KCNMA1: variants seen among roughly 807,000 people sequenced by gnomAD.
The protein encoded by KCNMA1 is Calcium-activated potassium channel subunit alpha-1.
In KCNMA1, 29 loss-of-function variants were observed where a neutral mutation model predicts 140.0. The observed-to-expected ratio is 0.21, with a 90% CI of 0.15 to 0.28. The LOEUF (loss-of-function observed/expected upper bound fraction) is 0.28. Ranked by LOEUF, KCNMA1 falls within the 10% of genes least tolerant of loss-of-function variation. The pLI, the probability that KCNMA1 is intolerant of heterozygous loss-of-function variation, is 1.00. For missense variants in KCNMA1, 880 were observed against 1,602.2 expected (o/e 0.55, Z 7.70); for synonymous variants, 612 against 611.9 (o/e 1.00, Z 0.00).
intron 5 of KCNMA1, among the ~76,000 whole-genome samples, chr10:77,142,962 A>G (rs569835234): frequency 6.6e-6 from 1 of 152,364 alleles, no homozygotes; most frequent in African/African-American, 2.4e-5. Flanking sequence ...TTTCAGGTTC[A>G]GGCAGTTTCC....
At chr10:77,201,666 T>C (rs970278905) in intron 3 of KCNMA1, among the ~76,000 whole-genome samples, 7 of 152,246 alleles carry the variant, frequency 4.6e-5, no homozygotes, top group Non-Finnish European at 8.8e-5. Context: ...TGTGACCTTA[T>C]AAAAATGTTG....
At chr10:77,546,801 G>A (rs553721894) in intron 1 of KCNMA1, among the ~76,000 whole-genome samples, 33 of 152,342 alleles carry the variant, frequency 2.2e-4, no homozygotes, top group African/African-American at 7.9e-4. Context: ...AGATGGCGGG[G>A]CAGACCTGGG....
intron 3 of KCNMA1, among the ~76,000 whole-genome samples, chr10:77,212,640 A>G (rs763120478): frequency 3.9e-5 from 6 of 152,046 alleles, no homozygotes; most frequent in Admixed American, 6.6e-5. Flanking sequence ...CCAATTTGTT[A>G]TATTCTCTCT....
chr10:77,294,035 C>G (rs1166085583), intron 2 of KCNMA1, among the ~76,000 whole-genome samples: 1 of 152,258 alleles, frequency 6.6e-6, no homozygotes, highest in Non-Finnish European at 1.5e-5. Context: ...GTCTGTTCCT[C>G]CCAGAATAGC....
chr10:77,184,467 G>A (rs573433720), intron 4 of KCNMA1, among the ~76,000 whole-genome samples: 12 of 152,294 alleles, frequency 7.9e-5, no homozygotes, highest in African/African-American at 1.2e-4. Context: ...TGATTCACCC[G>A]CCTCAGCCTC....
intron 1 of KCNMA1, among the ~76,000 whole-genome samples, chr10:77,417,848 G>A (rs950997765): frequency 2.0e-5 from 3 of 152,172 alleles, no homozygotes; most frequent in African/African-American, 7.2e-5. Flanking sequence ...GAAACCAAGG[G>A]CTAGCAAGAC....
chr10:76,956,522 A>C (rs935454529), intron 20 of KCNMA1, among the ~76,000 whole-genome samples: 6 of 152,194 alleles, frequency 3.9e-5, no homozygotes, highest in Non-Finnish European at 7.3e-5. Context: ...TCTGACCAGC[A>C]TGGTACCTGG....
intron 25 of KCNMA1, among the ~76,000 whole-genome samples, chr10:76,909,234 G>T (rs1039988549): frequency 1.3e-5 from 2 of 151,970 alleles, no homozygotes; most frequent in African/African-American, 2.4e-5. Flanking sequence ...CCTATTAATT[G>T]TACTGCCCAA....
intron 2 of KCNMA1, among the ~76,000 whole-genome samples, chr10:77,312,509 C>T (rs1054492217): frequency 2.0e-5 from 3 of 152,110 alleles, no homozygotes; most frequent in African/African-American, 7.2e-5. Context: ...ATTTGTAATC[C>T]CAGCTACTTG....
rs1263159961 is a variant in KCNMA1, at chr10:77,637,277, C to G, written c.366G>C (p.Gly122=). 2 of 1,608,530 alleles carry G rather than the reference C, an allele frequency of 1.2e-6. No individual in the cohort carries two copies. The highest frequency in any genetic ancestry group is 2.2e-5 in the East Asian group (1 of 44,630). The change falls in exon 1 of 28, where the codon GGG becomes GGC. Residue 122 remains glycine, a synonymous_variant. Transcript: ENST00000286628. ...GGGCGCGCGTTACCTTCGTCTTGCC[C>G]CCGCAGTGGCAGCACACGGTCCACA... ...KYLWTVCCHC[G]GKTKEAQKIN...
intron 3 of KCNMA1, among the ~76,000 whole-genome samples, chr10:77,214,223 C>T (rs2046998299): frequency 6.6e-6 from 1 of 152,208 alleles, no homozygotes; most frequent in Admixed American, 6.5e-5. Flanking sequence ...GGTTTGCTTT[C>T]CAATTTTCCA....
At chr10:77,587,678 G>C (rs2077653451) in intron 1 of KCNMA1, 1 of 984,586 alleles carries the variant, frequency 1.0e-6, no homozygotes, top group African/African-American at 1.7e-5. Context: ...ATCTGTGGAA[G>C]GTACACATCA....
chr10:77,268,937 C>T (rs1429049514), intron 2 of KCNMA1, among the ~76,000 whole-genome samples: 1 of 152,134 alleles, frequency 6.6e-6, no homozygotes, highest in Admixed American at 6.5e-5. Flanking sequence ...TGCAAAGAAA[C>T]ACAATCCAAG....
Position 77,482,380 on chromosome 10 carries a change from G to A in KCNMA1, c.379-78357C>T, listed in dbSNP as rs2098408504. ...AATCTACAAAAAGGAAAGAAGGGCT[G>A]TGGGGACAGGAGGCTTAGGGCATCA... On this transcript the variant is annotated intron_variant, in intron 1 of 27. Transcript: ENST00000286628. 2.6e-5 allele frequency among the ~76,000 whole-genome samples: 4 copies of A among 152,254 alleles called. No individual in the cohort carries two copies. In the South Asian group the frequency reaches 8.3e-4, roughly 31 times the overall value.
intron 1 of KCNMA1, among the ~76,000 whole-genome samples, chr10:77,432,033 G>T (rs1219928457): frequency 6.6e-6 from 1 of 151,986 alleles, no homozygotes; most frequent in Non-Finnish European, 1.5e-5. Context: ...TGGAGGTTGG[G>T]ATGCTCAGCT....
chr10:77,286,481 CT>C (rs1342807974), intron 2 of KCNMA1, among the ~76,000 whole-genome samples: 1 of 152,188 alleles, frequency 6.6e-6, no homozygotes, highest in African/African-American at 2.4e-5. Flanking sequence ...CCATATGCCC[CT>C]GGTAATACCC....
chr10:77,557,728 A>G (rs751458223), intron 1 of KCNMA1, among the ~76,000 whole-genome samples: 14 of 150,594 alleles, frequency 9.3e-5, no homozygotes, highest in Non-Finnish European at 1.8e-4. Context: ...TCTCAGCTCA[A>G]TGCAACCTCC....
In KCNMA1 at chr10:77,224,270, G is replaced by A. The variant is rs191314303; in HGVS notation, c.602+26925C>T. ...CATGGCCCATAGCCCCAGACTGGGA[G>A]AGGAGCCACATTCCTTCTGAACAGT... On this transcript the variant is annotated intron_variant, in intron 3 of 27. Transcript: ENST00000286628. Among the ~76,000 whole-genome samples, 428 of 152,376 alleles carry A rather than the reference G, an allele frequency of 2.8e-3. 1 individual carries two copies. Among genetic ancestry groups the A allele is most frequent in the Non-Finnish European group, 4.9e-3 (334 of 68,044 alleles).
intron 16 of KCNMA1, among the ~76,000 whole-genome samples, chr10:77,022,391 C>A (rs1212658557): frequency 1.3e-5 from 2 of 152,176 alleles, no homozygotes; most frequent in African/African-American, 4.8e-5. Flanking sequence ...TTTCAAGGAA[C>A]ATATAAATTA....
Sources: allele counts gnomAD v4.1 joint callset (sites outside exome capture counted in the v4.1 genomes callset), GRCh38; gene constraint gnomAD v4.1.1; transcripts MANE v1.5; gene names NCBI Gene and HGNC (gene_info 2026-07-23, HGNC 2026-07-21).